The following APPL1 variants were observed in gnomAD, a reference collection of about 807,000 sequenced individuals.
APPL1 encodes adaptor protein, phosphotyrosine interacting with PH domain and leucine zipper 1.
APPL1 carries 42 observed loss-of-function variants against 106.8 expected under a neutral mutation model. That is an observed-to-expected ratio of 0.39 (90% CI 0.31 to 0.51). The LOEUF is 0.51. APPL1 is among the 20% of genes least tolerant of loss of function. APPL1 has a pLI of 0.75. For missense variants in APPL1, 769 were observed against 858.2 expected (o/e 0.90, Z 1.30); for synonymous variants, 263 against 281.8 (o/e 0.93, Z 0.67).
rs574947684 is a variant in APPL1 at position 57,246,960 on chromosome 3, G to C, written c.622-435G>C. ...TGAGGCTGCAGTGAGGTTTTATTGT[G>C]CAGTCTGGATGACAGACGAGACCCT... On this transcript the variant is annotated intron_variant, in intron 8 of 21. Coordinates refer to ENST00000288266, the MANE Select transcript of APPL1 (RefSeq NM_012096.3). 4.7e-5 allele frequency among the ~76,000 whole-genome samples: 7 copies of C among 147,750 alleles called. No homozygotes were observed. The Admixed American group carries it at 4.8e-4, about 10-fold the overall frequency.
At position 57,228,054 on chromosome 3, in the gene APPL1, C is replaced by G; in HGVS notation, c.54+117C>G. 1 of 881,958 alleles carries G rather than the reference C, an allele frequency of 1.1e-6. No individual in the cohort carries two copies. The highest frequency in any genetic ancestry group is 3.7e-5 in the East Asian group (1 of 27,086). The allele number at this position is 881,958 out of a possible 1,614,324, so 54.6% of individuals were successfully genotyped here. On this transcript the variant is annotated intron_variant, in intron 1 of 21. Coordinates refer to ENST00000288266, the MANE Select transcript of APPL1 (RefSeq NM_012096.3). This position sits in a 1 kb window ranked among gnomAD's most constrained non-coding sequence, Gnocchi z 4.6. Reference sequence around the variant, plus strand: ...GGCCCAGGTGGGGGCCGCCGCCGCCCTAGGTCACCGCCCGTCGCAGGCCGC... The same window carrying G: ...GGCCCAGGTGGGGGCCGCCGCCGCCGTAGGTCACCGCCCGTCGCAGGCCGC...
rs752598738 is a variant in APPL1, at chr3:57,259,871, G to A, written c.1510G>A (p.Val504Ile). 6.2e-7 allele frequency: 1 copy of A among 1,606,748 alleles called. No individual in the cohort carries two copies. The highest frequency in any genetic ancestry group is 8.5e-7 in the Non-Finnish European group (1 of 1,177,898). ...TTCTATTCTTCATCAGTTATTTATT[G>A]TCCGATTCCTTGGTTCAATGGAGGT... Reference protein sequence around the residue: ...EDSILHQLFIVRFLGSMEVKS... With the variant: ...EDSILHQLFIIRFLGSMEVKS... Residue 504 changes from valine to isoleucine, a missense_variant, in exon 17 of 22, where the codon GTC becomes ATC. Physicochemically the swap from Val to Ile is conservative, Grantham distance 29. Coordinates refer to ENST00000288266, the MANE Select transcript of APPL1 (RefSeq NM_012096.3).
At chr3:57,240,719 T>C (rs149939656) in intron 5 of APPL1, among the ~76,000 whole-genome samples, 167 bp downstream of exon 5, 26 of 152,338 alleles carry the variant, frequency 1.7e-4, no homozygotes, top group Middle Eastern at 3.4e-3. Flanking sequence ...AAACTAGATA[T>C]TGAGAAATAC....
Position 57,249,362 on chromosome 3 carries a change from A to G in APPL1, c.866A>G (p.Lys289Arg), listed in dbSNP as rs764564911. The G allele has an allele frequency of 6.2e-7, 1 of 1,614,152 alleles. No individual in the cohort carries two copies. The highest frequency in any genetic ancestry group is 1.3e-5 in the African/African-American group (1 of 75,028). The change falls in exon 11 of 22, where the codon AAA (lysine) becomes AGA (arginine). Residue 289 changes from lysine to arginine, a missense_variant and splice_region_variant. Coordinates refer to ENST00000288266, the MANE Select transcript of APPL1 (RefSeq NM_012096.3). The stretch of plus-strand genomic sequence containing the variant: ...GTGAATGTGCTTTCTTCATTCAGTA[A>G]AACAGGCTTGGTGTCATCTACCTGG... ...RKAGYLNARN[K>R]TGLVSSTWDR...
chr3:57,246,299 G>A, intron 8 of APPL1, 77 bp downstream of exon 8: 2 of 1,124,022 alleles, frequency 1.8e-6, no homozygotes, highest in Non-Finnish European at 2.4e-6. Flanking sequence ...TTAAGTATAA[G>A]GGTATTATAA....
intron 7 of APPL1, among the ~76,000 whole-genome samples, chr3:57,244,338 T>G (rs1559509041): frequency 6.6e-6 from 1 of 152,074 alleles, no homozygotes. Context: ...GTATTTTTAG[T>G]AGAGGTGGGG....
At position 57,260,288 on chromosome 3, in the gene APPL1, TA is replaced by T. The variant is rs2060858324; in HGVS notation, c.1695+137del. ...ATGATTGGTCTTTGGCTGTTGTAGT[TA>T]AGTCTATGGCCATCTCCAAAAAGTT... On this transcript the variant is annotated intron_variant, in intron 18 of 21. Transcript: ENST00000288266. The T allele has an allele frequency of 8.4e-6, 8 of 949,832 alleles. No individual in the cohort carries two copies. The East Asian group carries it at 2.3e-4, about 27-fold the overall frequency. The allele number at this position is 949,832 out of a possible 1,614,324, so 58.8% of individuals were successfully genotyped here. A position where few individuals can be genotyped will look rare whatever the true frequency, so the allele number is the denominator to read the frequency against.
Position 57,227,800 on chromosome 3 carries a change from C to T in APPL1, c.-84C>T, listed in dbSNP as rs1212517694. ...TGCAGCCCTTGCCGGAGAGGGCGGG[C>T]CGGGGTCAGCTGCGGCGGGCGGGCC... On this transcript the variant is annotated 5_prime_UTR_variant, in exon 1 of 22. Transcript: ENST00000288266. 8.1e-7 allele frequency: 1 copy of T among 1,235,554 alleles called. No homozygotes were observed. Among genetic ancestry groups the T allele is most frequent in the Non-Finnish European group, 1.1e-6 (1 of 929,662 alleles). The allele number at this position is 1,235,554 out of a possible 1,614,324, so 76.5% of individuals were successfully genotyped here. A position where few individuals can be genotyped will look rare whatever the true frequency, so the allele number is the denominator to read the frequency against.
At position 57,269,774 on chromosome 3, in the gene APPL1, A is replaced by C; in HGVS notation, c.*87A>C. On this transcript the variant is annotated 3_prime_UTR_variant, in exon 22 of 22. Coordinates refer to ENST00000288266, the MANE Select transcript of APPL1 (RefSeq NM_012096.3). ...AAGGTAACAACTATGTTGAAATATC[A>C]AGGAGGAGATTAAGCTTTATATTTG... The C allele has an allele frequency of 9.8e-6, 14 of 1,422,748 alleles. No homozygotes were observed. Among genetic ancestry groups the C allele is most frequent in the Non-Finnish European group, 1.3e-5 (13 of 1,028,372 alleles). The allele number at this position is 1,422,748 out of a possible 1,614,324, so 88.1% of individuals were successfully genotyped here.
intron 5 of APPL1, 150 bp from the exon 6 acceptor site, chr3:57,241,951 G>A: frequency 1.9e-6 from 1 of 525,522 alleles, no homozygotes; most frequent in Non-Finnish European, 3.4e-6. Flanking sequence ...TCATAGACTA[G>A]CTGAAACACA....
intron 16 of APPL1, among the ~76,000 whole-genome samples, chr3:57,259,392 C>T (rs538242679): frequency 6.6e-5 from 10 of 152,132 alleles, no homozygotes; most frequent in South Asian, 4.2e-4. Context: ...TTTGTTTTTC[C>T]GCCACTAACT....
intron 19 of APPL1, among the ~76,000 whole-genome samples, chr3:57,261,149 C>T (rs1241082028): frequency 6.6e-6 from 1 of 152,148 alleles, no homozygotes. Flanking sequence ...GTCTGTCATT[C>T]CACACTCTGC....
At chr3:57,268,366 TAATTC>T in intron 20 of APPL1, 27 bp from the exon 21 acceptor site, 1 of 1,486,916 alleles carries the variant, frequency 6.7e-7, no homozygotes, top group Non-Finnish European at 9.1e-7. Flanking sequence ...ATTTCATATT[TAATTC>T]ATTAGTTTTA....
At chr3:57,255,546 T>TA in intron 13 of APPL1, among the ~76,000 whole-genome samples, 1 of 152,290 alleles carries the variant, frequency 6.6e-6, no homozygotes, top group African/African-American at 2.4e-5. Context: ...AAGGAATGCC[T>TA]AGGAGGAAGT....
chr3:57,269,838 C>A lies in APPL1; in HGVS notation c.*151C>A. 2.2e-6 allele frequency: 2 copies of A among 892,188 alleles called. No homozygotes were observed. The highest frequency in any genetic ancestry group is 1.7e-6 in the Non-Finnish European group (1 of 605,272). The allele number at this position is 892,188 out of a possible 1,614,324, so 55.3% of individuals were successfully genotyped here. A position where few individuals can be genotyped will look rare whatever the true frequency, so the allele number is the denominator to read the frequency against. ...GCTACATTTTAAAAAAAAGATTGAACTTGATGACTTAGGTTTGCATTGATC... is the reference window on the plus strand; with the variant it reads ...GCTACATTTTAAAAAAAAGATTGAAATTGATGACTTAGGTTTGCATTGATC... On this transcript the variant is annotated 3_prime_UTR_variant, in exon 22 of 22. Coordinates refer to ENST00000288266, the MANE Select transcript of APPL1 (RefSeq NM_012096.3).
chr3:57,248,017 C>CT (rs2060783967), intron 9 of APPL1, among the ~76,000 whole-genome samples, 176 bp from the exon 10 acceptor site: 1 of 152,146 alleles, frequency 6.6e-6, no homozygotes, highest in Non-Finnish European at 1.5e-5. Context: ...TCCAAAATAT[C>CT]TAAGTTTCAA....
chr3:57,263,725 T>TTG (rs1321053737), intron 19 of APPL1, among the ~76,000 whole-genome samples: 3 of 151,596 alleles, frequency 2.0e-5, no homozygotes, highest in Admixed American at 1.3e-4. Flanking sequence ...TAGTACTCCA[T>TTG]TGTGTGTGTG....
At chr3:57,238,829 A>C (rs2060730490) in intron 4 of APPL1, among the ~76,000 whole-genome samples, 1 of 152,222 alleles carries the variant, frequency 6.6e-6, no homozygotes, top group African/African-American at 2.4e-5. Flanking sequence ...CATGATATTT[A>C]GTGCATTCAC....
rs2107606964 is a variant in APPL1, at chr3:57,256,954, T to C, written c.1153-3T>C. On this transcript the variant is annotated splice_region_variant and splice_polypyrimidine_tract_variant and intron_variant, in intron 13 of 21. Coordinates refer to ENST00000288266, the MANE Select transcript of APPL1 (RefSeq NM_012096.3). The stretch of plus-strand genomic sequence containing the variant: ...TAGTCCTTTTTTAAAAAAATTGAAA[T>C]AGGAAACTGCTGCACGAGTAAATCA... The C allele has an allele frequency of 6.2e-7, 1 of 1,613,306 alleles. No homozygotes were observed. Among genetic ancestry groups the C allele is most frequent in the Non-Finnish European group, 8.5e-7 (1 of 1,179,664 alleles).
Sources: allele counts gnomAD v4.1 joint callset (sites outside exome capture counted in the v4.1 genomes callset), GRCh38; gene constraint gnomAD v4.1.1; non-coding constraint Gnocchi (gnomAD v3.1); transcripts MANE v1.5; gene names NCBI Gene and HGNC (gene_info 2026-07-23, HGNC 2026-07-21).